PTPRO: variants seen among roughly 807,000 people sequenced by gnomAD.
PTPRO encodes protein tyrosine phosphatase receptor type O.
PTPRO carries 62 observed loss-of-function variants against 145.2 expected under a neutral mutation model. That is an observed-to-expected ratio of 0.43 (90% CI 0.35 to 0.53). The LOEUF (loss-of-function observed/expected upper bound fraction) is 0.53. Ranked by LOEUF, PTPRO falls within the 20% of genes least tolerant of loss-of-function variation. The probability of loss-of-function intolerance (pLI) is 0.01; values close to 1 mark genes in which losing one functional copy is unlikely to be tolerated. For synonymous variants in PTPRO, 565 were observed against 514.7 expected, an observed-to-expected ratio of 1.10 and a Z score of -1.32; for missense variants, 1,345 against 1,482.7, an observed-to-expected ratio of 0.91 and a Z score of 1.53.
intron 1 of PTPRO, among the ~76,000 whole-genome samples, chr12:15,477,693 C>T (rs1941686819): frequency 6.6e-6 from 1 of 152,004 alleles, no homozygotes; most frequent in South Asian, 2.1e-4. Flanking sequence ...AACAGGAGCA[C>T]CCTTGGGCAA....
intron 17 of PTPRO, 69 bp downstream of exon 17, chr12:15,560,345 G>A (rs1943741996): frequency 8.1e-7 from 1 of 1,231,294 alleles, no homozygotes; most frequent in Non-Finnish European, 1.2e-6. Flanking sequence ...TAAACAAAAA[G>A]GAAAGTTTCT....
chr12:15,452,086 T>C (rs1220360979), intron 1 of PTPRO, among the ~76,000 whole-genome samples: 1 of 152,040 alleles, frequency 6.6e-6, no homozygotes, highest in African/African-American at 2.4e-5. Flanking sequence ...ATAAAACTGA[T>C]AGACCATTAG....
chr12:15,439,765 C>T, intron 1 of PTPRO: 1 of 586,944 alleles, frequency 1.7e-6, no homozygotes. Flanking sequence ...TGGAGGAGAT[C>T]TACCTCTTCT....
chr12:15,561,216 A>AAC (rs1407311364), intron 17 of PTPRO, among the ~76,000 whole-genome samples: 1 of 152,110 alleles, frequency 6.6e-6, no homozygotes, highest in East Asian at 1.9e-4. Flanking sequence ...CTCAGAAGAA[A>AAC]ACAATAAAAA....
At chr12:15,347,956 A>T (rs1937647926) in intron 1 of PTPRO, among the ~76,000 whole-genome samples, 1 of 152,232 alleles carries the variant, frequency 6.6e-6, no homozygotes, top group African/African-American at 2.4e-5. Flanking sequence ...ACTTAATATC[A>T]TCTGCATACA....
intron 1 of PTPRO, among the ~76,000 whole-genome samples, chr12:15,344,842 C>G (rs996391140): frequency 6.6e-6 from 1 of 152,132 alleles, no homozygotes. Context: ...TGTTCCTGCT[C>G]GGGAAGAACT....
Position 15,484,108 on chromosome 12 carries a change from A to C in PTPRO, c.210A>C (p.Glu70Asp). Residue 70 changes from glutamate to aspartate, a missense_variant, in exon 2 of 27, where the codon GAA becomes GAC. Glu to Asp is a conservative substitution (Grantham distance 45, BLOSUM62 2). Transcript: ENST00000281171. ...GTGAATCCAAAAATTATTTCTTCGA[A>C]TTTGAGGAATTCAACAGCACTTTGC... ...ITGESKNYFFEFEEFNSTLPP... is the reference protein window; with the variant it reads ...ITGESKNYFFDFEEFNSTLPP... The C allele has an allele frequency of 6.2e-7, 1 of 1,613,854 alleles. No individual in the cohort carries two copies. Among genetic ancestry groups the C allele is most frequent in the Non-Finnish European group, 8.5e-7 (1 of 1,179,830 alleles).
At chr12:15,569,543 C>T in intron 19 of PTPRO, 45 bp downstream of exon 19, 10 of 1,522,960 alleles carry the variant, frequency 6.6e-6, no homozygotes, top group Non-Finnish European at 8.2e-6. Context: ...TGGAAAGGGC[C>T]TGGGAATTGG....
Position 15,484,178 on chromosome 12 carries a change from A to AT in PTPRO, c.281dup (p.Ile95AsnfsTer34), listed in dbSNP as rs1443218411. On this transcript the variant is annotated frameshift_variant, in exon 2 of 27. Coordinates refer to ENST00000281171, the MANE Select transcript of PTPRO (RefSeq NM_030667.3). LOFTEE classifies it high-confidence loss of function. ...GGCCAGTTATCATGGCCTTTATTAT[A>AT]TAATCACTCTGGTAGTGGTAAATGG... is the stretch of plus-strand genomic sequence containing the variant. The AT allele has an allele frequency of 3.1e-6, 5 of 1,613,678 alleles. No homozygotes were observed. The highest frequency in any genetic ancestry group is 4.2e-6 in the Non-Finnish European group (5 of 1,179,746).
rs1333846351 is a variant in PTPRO, at chr12:15,497,363, C to G, written c.468C>G (p.Ser156Arg). ...KYNVFTRVNISYWEGKDFRTM... is the reference protein window; with the variant it reads ...KYNVFTRVNIRYWEGKDFRTM... ...ACGTTTTCACAAGAGTGAACATTAG[C>G]TACTGGGAAGGTAAAGACTTCCGGA... The change falls in exon 3 of 27, where the codon AGC (serine) becomes AGG (arginine). Residue 156 changes from serine to arginine, a missense_variant. Ser to Arg is a moderately radical substitution (Grantham distance 110). Coordinates refer to ENST00000281171, the MANE Select transcript of PTPRO (RefSeq NM_030667.3). 6.2e-7 allele frequency: 1 copy of G among 1,613,248 alleles called. No homozygotes were observed. Among genetic ancestry groups the G allele is most frequent in the South Asian group, 1.1e-5 (1 of 91,062 alleles).
intron 25 of PTPRO, among the ~76,000 whole-genome samples, chr12:15,591,817 C>T (rs1944558995): frequency 6.6e-6 from 1 of 151,378 alleles, no homozygotes; most frequent in Non-Finnish European, 1.5e-5. Context: ...GAGCCAAGAT[C>T]GTGCCACTGC....
intron 1 of PTPRO, among the ~76,000 whole-genome samples, chr12:15,401,705 A>C (rs1565608744): frequency 6.6e-6 from 1 of 152,224 alleles, no homozygotes; most frequent in African/African-American, 2.4e-5. Context: ...GGTCAATTTC[A>C]TTAGACTGGC....
chr12:15,538,759 A>G (rs1306205174), intron 12 of PTPRO, among the ~76,000 whole-genome samples: 3 of 152,222 alleles, frequency 2.0e-5, no homozygotes, highest in African/African-American at 7.2e-5. Flanking sequence ...TATGCAACTG[A>G]CTGGGTAACT....
At chr12:15,363,568 G>A (rs1414634710) in intron 1 of PTPRO, among the ~76,000 whole-genome samples, 2 of 152,120 alleles carry the variant, frequency 1.3e-5, no homozygotes, top group East Asian at 1.9e-4. Context: ...GGGGAAGATA[G>A]GACTTAATGG....
At chr12:15,557,268 G>A (rs888024756) in intron 15 of PTPRO, among the ~76,000 whole-genome samples, 187 bp from the exon 16 acceptor site, 1 of 152,106 alleles carries the variant, frequency 6.6e-6, no homozygotes, top group Non-Finnish European at 1.5e-5. Context: ...GACCTCAGGT[G>A]ATCCGCCCAC....
intron 1 of PTPRO, among the ~76,000 whole-genome samples, chr12:15,387,101 A>G (rs1367675333): frequency 1.3e-5 from 2 of 152,190 alleles, no homozygotes; most frequent in Admixed American, 6.5e-5. Flanking sequence ...AAATAACATG[A>G]GCAACCTCAA....
chr12:15,572,020 T>C (rs994445421), intron 19 of PTPRO, among the ~76,000 whole-genome samples: 10 of 152,266 alleles, frequency 6.6e-5, no homozygotes, highest in African/African-American at 2.4e-4. Flanking sequence ...CCTGACTTCA[T>C]AGGATTTATA....
chr12:15,486,153 C>A (rs12426727), intron 2 of PTPRO, among the ~76,000 whole-genome samples: 2 of 151,982 alleles, frequency 1.3e-5, no homozygotes, highest in African/African-American at 4.8e-5. Flanking sequence ...CCACTTGTAA[C>A]TGTAAATTTG....
intron 1 of PTPRO, among the ~76,000 whole-genome samples, chr12:15,449,782 A>G (rs1445277457): frequency 6.6e-6 from 1 of 152,160 alleles, no homozygotes; most frequent in African/African-American, 2.4e-5. Context: ...ATGTTACAGT[A>G]GGGCAAATTG....
Sources: allele counts gnomAD v4.1 joint callset (sites outside exome capture counted in the v4.1 genomes callset), GRCh38; gene constraint gnomAD v4.1.1; transcripts MANE v1.5; gene names NCBI Gene and HGNC (gene_info 2026-07-23, HGNC 2026-07-21).